Variants in TTC6 observed in about 807,000 individuals in gnomAD.
TTC6 encodes the protein tetratricopeptide repeat domain 6, also known as tetratricopeptide repeat protein 6.
Under a neutral mutation model 210.4 loss-of-function variants are expected in TTC6, and 172 were observed. That is an observed-to-expected ratio of 0.82 (90% CI 0.72 to 0.93). TTC6 has a LOEUF of 0.93. Ranked by LOEUF, TTC6 falls within the 40% of genes least tolerant of loss-of-function variation. The pLI is 0.00. For synonymous variants in TTC6, 804 were observed against 819.6 expected, an observed-to-expected ratio of 0.98 and a Z score of 0.32; for missense variants, 2,414 against 2,318.1, an observed-to-expected ratio of 1.04 and a Z score of -0.85.
chr14:37,813,936 C>T (rs1455638516), intron 25 of TTC6, among the ~76,000 whole-genome samples: 1 of 152,220 alleles, frequency 6.6e-6, no homozygotes. Context: ...GAGCAGAGCT[C>T]AGGTTTCAGA....
chr14:37,644,718 T>TA (rs1295506489), intron 1 of TTC6, among the ~76,000 whole-genome samples: 1 of 152,188 alleles, frequency 6.6e-6, no homozygotes, highest in Non-Finnish European at 1.5e-5. Context: ...CTGCAATATT[T>TA]AGCCCTGTGC....
chr14:37,830,932 ATGAG>A (rs2096183370), intron 29 of TTC6, among the ~76,000 whole-genome samples: 1 of 152,124 alleles, frequency 6.6e-6, no homozygotes, highest in Non-Finnish European at 1.5e-5. Flanking sequence ...TTTCTTTATG[ATGAG>A]AATATTTCAA....
At chr14:37,751,304 T>C in intron 13 of TTC6, 79 bp downstream of exon 15, 1 of 1,057,846 alleles carries the variant, frequency 9.5e-7, no homozygotes, top group Non-Finnish European at 1.3e-6. Flanking sequence ...CAGCAAGTTT[T>C]TGAAGGTCTT....
chr14:37,624,558 A>G (rs2095656928), intron 1 of TTC6, among the ~76,000 whole-genome samples: 1 of 152,206 alleles, frequency 6.6e-6, no homozygotes, highest in South Asian at 2.1e-4. Flanking sequence ...ATGAAGAGAG[A>G]CTATTAAATG....
intron 25 of TTC6, among the ~76,000 whole-genome samples, chr14:37,812,648 T>C (rs570538443): frequency 6.8e-6 from 1 of 147,424 alleles, no homozygotes; most frequent in East Asian, 1.9e-4. Flanking sequence ...AATACATTTT[T>C]AAACATTTCT....
chr14:37,784,162 C>G (rs1249738311), intron 14 of TTC6, among the ~76,000 whole-genome samples: 1 of 152,002 alleles, frequency 6.6e-6, no homozygotes, highest in Non-Finnish European at 1.5e-5. Context: ...TGGTGCAGAG[C>G]TGAGTTCAAT....
At chr14:37,828,577 G>A (rs993277034) in intron 29 of TTC6, among the ~76,000 whole-genome samples, 1 of 151,922 alleles carries the variant, frequency 6.6e-6, no homozygotes, top group African/African-American at 2.4e-5. Context: ...TTTTATTAAT[G>A]TTTTCCCCAG....
intron 10 of TTC6, among the ~76,000 whole-genome samples, chr14:37,743,846 G>C (rs973557708): frequency 2.0e-5 from 3 of 152,146 alleles, no homozygotes; most frequent in Non-Finnish European, 4.4e-5. Context: ...CACAATTTCA[G>C]ATGATACAGA....
rs1008140818 is a variant in TTC6, at chr14:37,598,240, C to G, written c.-235+2232C>G. Among the ~76,000 whole-genome samples, 2 of 152,136 alleles carry G rather than the reference C, an allele frequency of 1.3e-5. No individual in the cohort carries two copies. Among genetic ancestry groups the G allele is most frequent in the African/African-American group, 4.8e-5 (2 of 41,448 alleles). ...TTCAGCTGTGGGGAGGATGGGTGGA[C>G]TCGGGGCAGGGTACCCGCGAGGGCA... On this transcript the variant is annotated intron_variant, in intron 1 of 2. Transcript: ENST00000556845. This position sits in a 1 kb window ranked among gnomAD's most constrained non-coding sequence, Gnocchi z 4.9.
intron 3 of TTC6, among the ~76,000 whole-genome samples, chr14:37,693,416 C>A (rs1385127501): frequency 6.6e-6 from 1 of 151,864 alleles, no homozygotes; most frequent in African/African-American, 2.4e-5. Context: ...TTGGAAGAAC[C>A]AATATTGTTA....
intron 14 of TTC6, among the ~76,000 whole-genome samples, chr14:37,786,167 G>A (rs150467247): frequency 0.018 from 2,802 of 152,290 alleles, 71 homozygotes; most frequent in African/African-American, 0.054. Context: ...AGACAGGGAC[G>A]TTTAAGTCTG....
chr14:37,751,262 G>A, intron 13 of TTC6, 37 bp downstream of exon 15: 1 of 1,428,232 alleles, frequency 7.0e-7, no homozygotes, highest in South Asian at 1.5e-5. Context: ...CATTTATATA[G>A]TTTAGATTGC....
rs1032249403 is a variant in TTC6, at chr14:37,836,640, T to C, written c.5299-4805T>C. On this transcript the variant is annotated intron_variant, in intron 29 of 30. Transcript: ENST00000553443. The stretch of plus-strand genomic sequence containing the variant: ...CCTTTGACTTGATATACTGTATGCC[T>C]GAGCTTTACAGTGCACACTCCCTCC... 3.3e-5 allele frequency among the ~76,000 whole-genome samples: 5 copies of C among 152,190 alleles called. No individual in the cohort carries two copies. In the East Asian group the frequency reaches 9.6e-4, roughly 29 times the overall value.
chr14:37,669,414 C>T (rs1299752949), intron 1 of TTC6, among the ~76,000 whole-genome samples: 2 of 152,312 alleles, frequency 1.3e-5, no homozygotes, highest in East Asian at 1.9e-4. Context: ...TGTTTCTCCA[C>T]TTGCAGTTCT....
At chr14:37,627,197 C>T (rs900249202) in intron 1 of TTC6, among the ~76,000 whole-genome samples, 2 of 152,174 alleles carry the variant, frequency 1.3e-5, no homozygotes, top group South Asian at 2.1e-4. Context: ...CCCCAGAAGG[C>T]GATGCCAGAT....
chr14:37,785,309 C>T (rs967018730), intron 14 of TTC6, among the ~76,000 whole-genome samples: 1 of 152,142 alleles, frequency 6.6e-6, no homozygotes, highest in African/African-American at 2.4e-5. Flanking sequence ...TTCTTGGAGG[C>T]TTTGTTTATT....
At chr14:37,636,077 A>G (rs1189971019) in intron 1 of TTC6, among the ~76,000 whole-genome samples, 1 of 152,130 alleles carries the variant, frequency 6.6e-6, no homozygotes, top group African/African-American at 2.4e-5. Flanking sequence ...AGGAAGACAA[A>G]TCACAGTTTT....
intron 1 of TTC6, among the ~76,000 whole-genome samples, chr14:37,647,939 G>A (rs576501178): frequency 2.6e-5 from 4 of 152,204 alleles, no homozygotes; most frequent in African/African-American, 9.6e-5. Context: ...CAATAACTGT[G>A]TCAAATACTG....
chr14:37,807,409 T>C (rs1423629536), exon 23 of TTC6: 1 of 1,530,232 alleles, frequency 6.5e-7, no homozygotes, highest in Admixed American at 2.0e-5. Context: ...AAATTTACCC[T>C]GAAAGCGTAC....
Sources: gnomAD v4.1 joint callset for allele counts (sites outside exome capture counted in the v4.1 genomes callset) on GRCh38, gnomAD v4.1.1 for gene constraint, Gnocchi (gnomAD v3.1) non-coding constraint, MANE v1.5 for transcripts, NCBI Gene and HGNC (gene_info 2026-07-23, HGNC 2026-07-21) for gene names.